HHAT: variants seen among roughly 807,000 people sequenced by gnomAD.
HHAT encodes hedgehog acyltransferase, also known as protein-cysteine N-palmitoyltransferase HHAT.
Under a neutral mutation model 70.8 loss-of-function variants are expected in HHAT, and 47 were observed. That is an observed-to-expected ratio of 0.66 (90% confidence interval 0.53 to 0.85). The LOEUF is 0.85. Ranked by LOEUF, HHAT falls within the 40% of genes least tolerant of loss-of-function variation. The pLI is 0.00. For missense variants in HHAT, 609 were observed against 604.8 expected, an observed-to-expected ratio of 1.01 and a Z score of -0.07; for synonymous variants, 228 against 247.6, an observed-to-expected ratio of 0.92 and a Z score of 0.74.
At chr1:210,524,495 T>A (rs1395088421) in intron 9 of HHAT, among the ~76,000 whole-genome samples, 1 of 152,040 alleles carries the variant, frequency 6.6e-6, no homozygotes, top group East Asian at 1.9e-4. Context: ...CAAAGGAACA[T>A]GCTTGAGGAA....
chr1:210,384,468 C>T (rs142208007), intron 3 of HHAT, among the ~76,000 whole-genome samples: 1 of 152,252 alleles, frequency 6.6e-6, no homozygotes, highest in East Asian at 1.9e-4. Context: ...TATCACATCA[C>T]CTGGAAGCTT....
chr1:210,653,609 G>A (rs370805543), intron 11 of HHAT, among the ~76,000 whole-genome samples: 2 of 152,172 alleles, frequency 1.3e-5, no homozygotes, highest in East Asian at 3.9e-4. Context: ...GGATAAACAA[G>A]GAAATGGGAA....
intron 8 of HHAT, among the ~76,000 whole-genome samples, chr1:210,503,020 C>T (rs979369680): frequency 1.5e-4 from 23 of 151,494 alleles, no homozygotes; most frequent in African/African-American, 5.1e-4. Flanking sequence ...GGCTGGAGTG[C>T]AGTGGCACAA....
At chr1:210,412,532 C>A (rs1055417017) in intron 6 of HHAT, among the ~76,000 whole-genome samples, 23 of 152,286 alleles carry the variant, frequency 1.5e-4, no homozygotes, top group African/African-American at 5.3e-4. Flanking sequence ...CACTCCAATT[C>A]CAAAAGGTAG....
At chr1:210,550,103 T>A (rs1371204590) in intron 9 of HHAT, among the ~76,000 whole-genome samples, 2 of 149,184 alleles carry the variant, frequency 1.3e-5, no homozygotes, top group Non-Finnish European at 2.9e-5. Flanking sequence ...CTTCTGATCA[T>A]CTAAACTCCA....
At chr1:210,370,881 TG>T (rs2089512195) in intron 3 of HHAT, among the ~76,000 whole-genome samples, 1 of 152,186 alleles carries the variant, frequency 6.6e-6, no homozygotes, top group African/African-American at 2.4e-5. Flanking sequence ...CCCAAAGTGC[TG>T]GGATTACAGG....
chr1:210,382,019 AC>A (rs1396699975), intron 3 of HHAT, among the ~76,000 whole-genome samples: 1 of 152,194 alleles, frequency 6.6e-6, no homozygotes, highest in Non-Finnish European at 1.5e-5. Context: ...AAAGCACAGA[AC>A]CAGAATTTTA....
intron 9 of HHAT, among the ~76,000 whole-genome samples, chr1:210,559,216 A>G (rs1407612276): frequency 6.6e-6 from 1 of 152,212 alleles, no homozygotes; most frequent in African/African-American, 2.4e-5. Context: ...ATAGTAATCT[A>G]AAAGTATTTA....
intron 7 of HHAT, among the ~76,000 whole-genome samples, chr1:210,422,697 G>T (rs2092941725): frequency 6.6e-6 from 1 of 152,030 alleles, no homozygotes; most frequent in Non-Finnish European, 1.5e-5. Context: ...GAGTGCAGTG[G>T]CATGACCTCG....
chr1:210,474,115 G>A (rs2094258383), intron 8 of HHAT, among the ~76,000 whole-genome samples: 1 of 151,994 alleles, frequency 6.6e-6, no homozygotes, highest in Non-Finnish European at 1.5e-5. Flanking sequence ...CTAATTTGGG[G>A]ATCCACAAGC....
chr1:210,669,316 T>C (rs2148980063), intron 11 of HHAT, among the ~76,000 whole-genome samples: 1 of 152,358 alleles, frequency 6.6e-6, no homozygotes, highest in East Asian at 1.9e-4. Flanking sequence ...ATTACTTGGT[T>C]ATTACAATTT....
chr1:210,360,865 T>TTTTA (rs1553324546), intron 2 of HHAT, among the ~76,000 whole-genome samples: 7 of 147,652 alleles, frequency 4.7e-5, no homozygotes, highest in African/African-American at 1.5e-4. Flanking sequence ...TTTTTTTTTT[T>TTTTA]AACTTTGTGG....
At chr1:210,415,752 G>A (rs1414913487) in intron 6 of HHAT, among the ~76,000 whole-genome samples, 3 of 151,996 alleles carry the variant, frequency 2.0e-5, no homozygotes, top group Admixed American at 6.6e-5. Flanking sequence ...TCTGCCTCCC[G>A]GGTTAAAATG....
upstream of HHAT, among the ~76,000 whole-genome samples, chr1:210,328,540 C>CT (rs1287564188): frequency 6.6e-6 from 1 of 152,244 alleles, no homozygotes; most frequent in African/African-American, 2.4e-5. Flanking sequence ...GCCAGGGCTG[C>CT]AAAGCCCACC....
chr1:210,413,598 A>G (rs2092629701), intron 6 of HHAT, among the ~76,000 whole-genome samples: 1 of 152,226 alleles, frequency 6.6e-6, no homozygotes, highest in Non-Finnish European at 1.5e-5. Flanking sequence ...ATCCAATTTC[A>G]TTACTCACAA....
chr1:210,582,694 C>G (rs1233970517), intron 9 of HHAT, among the ~76,000 whole-genome samples: 1 of 152,158 alleles, frequency 6.6e-6, no homozygotes, highest in Non-Finnish European at 1.5e-5. Context: ...ATCACCCTAG[C>G]CACCAACTTT....
At chr1:210,513,431 A>G (rs1021555685) in intron 9 of HHAT, among the ~76,000 whole-genome samples, 2 of 152,254 alleles carry the variant, frequency 1.3e-5, no homozygotes, top group Non-Finnish European at 1.5e-5. Flanking sequence ...CTTGACAAGT[A>G]TAATTCCAAC....
In HHAT at chr1:210,607,822, G is replaced by A. The variant is rs1665804478; in HGVS notation, c.1246-15704G>A. Among the ~76,000 whole-genome samples, 2 of 151,904 alleles carry A rather than the reference G, an allele frequency of 1.3e-5. 1 individual carries two copies. The highest frequency in any genetic ancestry group is 4.2e-4 in the South Asian group (2 of 4,808). On this transcript the variant is annotated intron_variant, in intron 10 of 11. Coordinates refer to ENST00000261458, the MANE Select transcript of HHAT (RefSeq NM_018194.6). ...AAAATAGAGAGAGAGAGATGAGGCT[G>A]AAAGTCCTCTGGGATACCCACCCCC...
chr1:210,641,805 C>T (rs1673020721), intron 11 of HHAT, among the ~76,000 whole-genome samples: 1 of 152,168 alleles, frequency 6.6e-6, no homozygotes. Flanking sequence ...CACACCCATC[C>T]ACATCTAGTG....
Sources: gnomAD v4.1 joint callset for allele counts (sites outside exome capture counted in the v4.1 genomes callset) on GRCh38, gnomAD v4.1.1 for gene constraint, MANE v1.5 for transcripts, NCBI Gene and HGNC (gene_info 2026-07-23, HGNC 2026-07-21) for gene names.